The following SRFBP1 variants were observed in gnomAD, a reference collection of about 807,000 sequenced individuals.
SRFBP1 encodes the protein serum response factor binding protein 1.
Under a neutral mutation model 45.5 loss-of-function variants are expected in SRFBP1, and 47 were observed. The observed-to-expected ratio is 1.03, with a 90% CI of 0.82 to 1.32. The LOEUF is 1.32. SRFBP1 is among the 40% of genes most tolerant of loss of function. The pLI, the probability that SRFBP1 is intolerant of heterozygous loss-of-function variation, is 0.00. For synonymous variants in SRFBP1, 203 were observed against 166.3 expected (o/e 1.22, Z -1.70); for missense variants, 621 against 484.6 (o/e 1.28, Z -2.64).
intron 3 of SRFBP1, among the ~76,000 whole-genome samples, chr5:121,980,485 T>G (rs889267577): frequency 6.6e-6 from 1 of 152,142 alleles, no homozygotes; most frequent in Admixed American, 6.6e-5. Context: ...CGTTAAAACG[T>G]TTTTATTGTT....
At chr5:122,056,140 C>G (rs555773005) in intron 2 of SRFBP1, among the ~76,000 whole-genome samples, 64 of 152,294 alleles carry the variant, frequency 4.2e-4, no homozygotes, top group Admixed American at 9.8e-4. Context: ...TCTCATTTGA[C>G]TGCCCGTTCT....
At chr5:122,071,197 G>A (rs1754441652) in intron 2 of SRFBP1, among the ~76,000 whole-genome samples, 1 of 109,018 alleles carries the variant, frequency 9.2e-6, no homozygotes, top group Non-Finnish European at 2.2e-5. Flanking sequence ...ATTTATATGT[G>A]TGTGTGTGTG....
intron 2 of SRFBP1, among the ~76,000 whole-genome samples, chr5:122,057,459 CTG>C (rs3028227): frequency 0.057 from 8,407 of 146,368 alleles, 357 homozygotes; most frequent in African/African-American, 0.12. Flanking sequence ...GTTCTCAGTT[CTG>C]TGTGTGTGTG....
At chr5:121,990,131 G>A (rs773475785) in intron 3 of SRFBP1, among the ~76,000 whole-genome samples, 6 of 152,024 alleles carry the variant, frequency 3.9e-5, no homozygotes, top group Non-Finnish European at 7.4e-5. Context: ...CTGTGTTCAC[G>A]GCTGCACTAT....
At chr5:121,964,514 G>A (rs1050489523) in intron 1 of SRFBP1, among the ~76,000 whole-genome samples, 25 of 152,088 alleles carry the variant, frequency 1.6e-4, no homozygotes, top group African/African-American at 6.0e-4. Context: ...CCCTGCAAAG[G>A]ACATGAACTC....
intron 1 of SRFBP1, among the ~76,000 whole-genome samples, chr5:121,970,874 T>G (rs568240124): frequency 3.4e-4 from 52 of 152,038 alleles, no homozygotes; most frequent in Non-Finnish European, 6.9e-4. Context: ...AAAGACACAT[T>G]AAAAATAATC....
At chr5:121,970,790 G>C (rs188334809) in intron 1 of SRFBP1, among the ~76,000 whole-genome samples, 4 of 152,202 alleles carry the variant, frequency 2.6e-5, no homozygotes, top group Admixed American at 6.5e-5. Flanking sequence ...CATGCACTAT[G>C]TTAGGTGTTA....
intron 2 of SRFBP1, among the ~76,000 whole-genome samples, chr5:122,040,733 C>T (rs1176688350): frequency 6.6e-6 from 1 of 152,106 alleles, no homozygotes; most frequent in African/African-American, 2.4e-5. Context: ...GATTTACAAG[C>T]ACTAAAATTG....
At chr5:122,054,953 G>T (rs1041712526) in intron 2 of SRFBP1, among the ~76,000 whole-genome samples, 2 of 152,168 alleles carry the variant, frequency 1.3e-5, no homozygotes, top group East Asian at 1.9e-4. Flanking sequence ...TGTGGGTCAG[G>T]TGACTTATTG....
intron 2 of SRFBP1, among the ~76,000 whole-genome samples, chr5:122,073,270 C>T (rs549072787): frequency 4.6e-5 from 7 of 152,284 alleles, no homozygotes; most frequent in Admixed American, 4.6e-4. Context: ...TTTTAACTGA[C>T]ACGCATTTTC....
intron 2 of SRFBP1, among the ~76,000 whole-genome samples, chr5:122,059,222 A>G (rs1408122110): frequency 1.3e-5 from 2 of 152,162 alleles, no homozygotes; most frequent in African/African-American, 4.8e-5. Context: ...ACTCTGAAAG[A>G]ATAACAGGGT....
chr5:122,061,024 A>G (rs913199144), intron 2 of SRFBP1, among the ~76,000 whole-genome samples: 1 of 152,086 alleles, frequency 6.6e-6, no homozygotes, highest in Non-Finnish European at 1.5e-5. Context: ...TTCTAATATC[A>G]TCATTCTAAA....
chr5:122,035,699 T>TAAGTC (rs1253681057), intron 2 of SRFBP1, among the ~76,000 whole-genome samples: 1 of 152,230 alleles, frequency 6.6e-6, no homozygotes, highest in Non-Finnish European at 1.5e-5. Context: ...TTGTGCTGTA[T>TAAGTC]AAGTGTTTTT....
At chr5:121,983,772 A>G (rs894228359) in intron 3 of SRFBP1, among the ~76,000 whole-genome samples, 1 of 151,778 alleles carries the variant, frequency 6.6e-6, no homozygotes, top group Non-Finnish European at 1.5e-5. Flanking sequence ...AGACAGTACT[A>G]TTTGTAGACA....
At chr5:122,034,075 C>T (rs1269684355) in intron 2 of SRFBP1, among the ~76,000 whole-genome samples, 1 of 152,198 alleles carries the variant, frequency 6.6e-6, no homozygotes, top group Non-Finnish European at 1.5e-5. Context: ...CCACCCGCCT[C>T]AGCCTCCCAT....
intron 4 of SRFBP1, among the ~76,000 whole-genome samples, chr5:121,997,199 A>G (rs1406296336): frequency 2.0e-5 from 3 of 149,040 alleles, no homozygotes; most frequent in Admixed American, 6.7e-5. Context: ...AAGAGCCCCC[A>G]TCGCCAAGTC....
intron 4 of SRFBP1, among the ~76,000 whole-genome samples, chr5:122,010,706 A>C (rs1281229046): frequency 6.7e-6 from 1 of 148,928 alleles, no homozygotes; most frequent in Non-Finnish European, 1.5e-5. Flanking sequence ...TGTGTATCAA[A>C]TTAAATTTCC....
chr5:122,015,666 A>G (rs1580527290), intron 4 of SRFBP1, among the ~76,000 whole-genome samples: 1 of 152,342 alleles, frequency 6.6e-6, no homozygotes, highest in Middle Eastern at 3.4e-3. Flanking sequence ...AACAGCCCCC[A>G]TGGGCCAGTT....
chr5:122,046,319 A>G (rs749866612), intron 2 of SRFBP1, among the ~76,000 whole-genome samples: 103 of 151,850 alleles, frequency 6.8e-4, no homozygotes, highest in East Asian at 1.9e-4. Context: ...TCCTTGTGAT[A>G]GTTTGCTGAG....
Sources: allele counts gnomAD v4.1 joint callset (sites outside exome capture counted in the v4.1 genomes callset), GRCh38; gene constraint gnomAD v4.1.1; transcripts MANE v1.5; gene names NCBI Gene and HGNC (gene_info 2026-07-23, HGNC 2026-07-21).